Variants in ANXA10 observed in about 807,000 individuals in gnomAD.
ANXA10 encodes annexin 14.
In ANXA10, 49 loss-of-function variants were observed where a neutral mutation model predicts 53.5. The ratio of observed to expected loss-of-function variants is 0.92; its 90% CI spans 0.73 to 1.16. The LOEUF is 1.16. ANXA10 is among the 50% of genes most tolerant of loss of function. The probability of loss-of-function intolerance (pLI) is 0.00; values close to 1 mark genes in which losing one functional copy is unlikely to be tolerated. For synonymous variants in ANXA10, 131 were observed against 128.9 expected, an observed-to-expected ratio of 1.02 and a Z score of -0.11; for missense variants, 393 against 394.4, an observed-to-expected ratio of 1.00 and a Z score of 0.03.
At chr4:168,127,385 C>T (rs1731086023) in intron 1 of ANXA10, among the ~76,000 whole-genome samples, 1 of 152,024 alleles carries the variant, frequency 6.6e-6, no homozygotes. Flanking sequence ...GCTCATAATC[C>T]AAATTCAATT....
At chr4:168,156,224 GTAT>G (rs1274753959) in intron 3 of ANXA10, among the ~76,000 whole-genome samples, 2 of 7,406 alleles carry the variant, frequency 2.7e-4, no homozygotes, top group Non-Finnish European at 4.8e-4. Context: ...TATGTAATAT[GTAT>G]TATATTATAT....
intron 3 of ANXA10, among the ~76,000 whole-genome samples, chr4:168,152,686 T>C (rs1020306310): frequency 6.6e-6 from 1 of 151,204 alleles, no homozygotes; most frequent in African/African-American, 2.4e-5. Flanking sequence ...TGGAGGCTAT[T>C]ATATATACAT....
At chr4:168,093,694 T>C (rs1236596933) in intron 1 of ANXA10, among the ~76,000 whole-genome samples, 3 of 152,124 alleles carry the variant, frequency 2.0e-5, no homozygotes, top group African/African-American at 7.2e-5. Context: ...AAAAAACAAC[T>C]TTCTGGGAAC....
intron 3 of ANXA10, among the ~76,000 whole-genome samples, chr4:168,148,216 G>A (rs972569046): frequency 6.7e-6 from 1 of 150,368 alleles, no homozygotes; most frequent in African/African-American, 2.4e-5. Flanking sequence ...TGTGTTGCCT[G>A]GAGTGCAGTG....
At chr4:168,158,811 C>G (rs1241442106) in intron 3 of ANXA10, among the ~76,000 whole-genome samples, 1 of 152,114 alleles carries the variant, frequency 6.6e-6, no homozygotes, top group East Asian at 1.9e-4. Flanking sequence ...GATATGTGTC[C>G]TCTCCAAATG....
intron 1 of ANXA10, among the ~76,000 whole-genome samples, chr4:168,119,353 C>T (rs117668995): frequency 6.6e-6 from 1 of 152,134 alleles, no homozygotes; most frequent in Non-Finnish European, 1.5e-5. Flanking sequence ...CTAGGAATTA[C>T]CAAAATGATT....
chr4:168,139,052 G>A (rs1249435718), intron 2 of ANXA10, among the ~76,000 whole-genome samples: 1 of 152,152 alleles, frequency 6.6e-6, no homozygotes, highest in African/African-American at 2.4e-5. Context: ...AACTGAGATA[G>A]TTTGGCTTCC....
intron 2 of ANXA10, among the ~76,000 whole-genome samples, chr4:168,131,367 T>A (rs1731154175): frequency 6.6e-6 from 1 of 151,990 alleles, no homozygotes; most frequent in African/African-American, 2.4e-5. Context: ...TTTAAATTGT[T>A]AAGATGTGTT....
intron 1 of ANXA10, chr4:168,113,229 G>A (rs533516048): frequency 3.3e-5 from 5 of 152,524 alleles, no homozygotes; most frequent in Non-Finnish European, 7.3e-5. Flanking sequence ...ATGTTCTCAC[G>A]GTTCTGGAGG....
intron 2 of ANXA10, among the ~76,000 whole-genome samples, chr4:168,133,181 AGT>A: frequency 6.6e-6 from 1 of 152,228 alleles, no homozygotes; most frequent in African/African-American, 2.4e-5. Flanking sequence ...AGTACTGCCT[AGT>A]GTGTTCCTAC....
chr4:168,183,176 A>T (rs1159343178), intron 10 of ANXA10, among the ~76,000 whole-genome samples: 11 of 152,322 alleles, frequency 7.2e-5, no homozygotes, highest in Admixed American at 5.9e-4. Context: ...TAACAGATAT[A>T]CTTCTTAAAA....
intron 1 of ANXA10, among the ~76,000 whole-genome samples, chr4:168,107,625 A>AT (rs1252495650): frequency 1.3e-5 from 2 of 152,170 alleles, no homozygotes; most frequent in Non-Finnish European, 2.9e-5. Flanking sequence ...ACAGAAATTT[A>AT]TTTATCACAG....
intron 3 of ANXA10, among the ~76,000 whole-genome samples, chr4:168,154,488 G>A (rs1296289444): frequency 6.6e-6 from 1 of 152,086 alleles, no homozygotes; most frequent in East Asian, 1.9e-4. Context: ...CAAAGATAAA[G>A]CAGTGGTGGC....
At position 168,184,646 on chromosome 4, in the gene ANXA10, G is replaced by C. The variant is rs1250105636; in HGVS notation, c.871G>C (p.Glu291Gln). ...GCTGACCATAAGGAAACGATACAAA[G>C]AGCGATATGGAAAATCCCTATTTCA... is the stretch of plus-strand genomic sequence containing the variant. Reference protein sequence around the residue: ...DLLTIRKRYKERYGKSLFHDI... With the variant: ...DLLTIRKRYKQRYGKSLFHDI... The change falls in exon 11 of 12, where the codon GAG (glutamate) becomes CAG (glutamine). Residue 291 changes from glutamate to glutamine, a missense_variant. By Grantham distance (29) the Glu-to-Gln change is conservative. Transcript: ENST00000359299. 1.9e-6 allele frequency: 3 copies of C among 1,613,944 alleles called. No individual in the cohort carries two copies. The highest frequency in any genetic ancestry group is 2.5e-6 in the Non-Finnish European group (3 of 1,179,984).
At chr4:168,120,963 A>G (rs980782485) in intron 1 of ANXA10, among the ~76,000 whole-genome samples, 3 of 152,102 alleles carry the variant, frequency 2.0e-5, no homozygotes, top group Admixed American at 6.5e-5. Flanking sequence ...ACTTTGGCCC[A>G]TAAGGAAAAA....
chr4:168,155,711 A>T lies in ANXA10; in HGVS notation c.196-6817A>T, dbSNP rs1731613764. On this transcript the variant is annotated intron_variant, in intron 3 of 11. Transcript: ENST00000359299. ...AATATATAATATATTATAAATATAT[A>T]ATATTATATAATATAATATATGATA... Among the ~76,000 whole-genome samples the T allele has an allele frequency of 6.6e-5, 2 of 30,252 alleles. 1 individual carries two copies. Among genetic ancestry groups the T allele is most frequent in the African/African-American group, 4.1e-4 (2 of 4,904 alleles). 19.8% of individuals were successfully genotyped at this position (30,252 alleles called of 152,430 possible).
Position 168,115,863 on chromosome 4 carries a change from C to T in ANXA10, c.19-12221C>T, listed in dbSNP as rs144451035. Among the ~76,000 whole-genome samples the T allele has an allele frequency of 7.2e-5, 11 of 152,140 alleles. No homozygotes were observed. In the East Asian group the frequency reaches 9.7e-4, roughly 13 times the overall value. On this transcript the variant is annotated intron_variant, in intron 1 of 11. Coordinates refer to ENST00000359299, the MANE Select transcript of ANXA10 (RefSeq NM_007193.5). ...ACTGCTGAGGTGATTACCAAGGAAA[C>T]GCAGGTGAAGATGCCTAGAGCATAG... is the stretch of plus-strand genomic sequence containing the variant.
chr4:168,112,530 ATG>A (rs1470556550), intron 1 of ANXA10, among the ~76,000 whole-genome samples: 1 of 152,158 alleles, frequency 6.6e-6, no homozygotes, highest in Non-Finnish European at 1.5e-5. Context: ...TTAACTTTTT[ATG>A]TCAGAGTTTT....
At chr4:168,153,466 A>T (rs1426517384) in intron 3 of ANXA10, among the ~76,000 whole-genome samples, 1 of 127,798 alleles carries the variant, frequency 7.8e-6, no homozygotes, top group African/African-American at 2.9e-5. Context: ...AAACAAAAAA[A>T]AAAACCAATA....
Sources: gnomAD v4.1 joint callset for allele counts (sites outside exome capture counted in the v4.1 genomes callset) on GRCh38, gnomAD v4.1.1 for gene constraint, MANE v1.5 for transcripts, NCBI Gene and HGNC (gene_info 2026-07-23, HGNC 2026-07-21) for gene names.